Variants in EPHX3 observed in about 807,000 individuals in gnomAD.
The protein encoded by EPHX3 is epoxide hydrolase 3.
Under a neutral mutation model 40.2 loss-of-function variants are expected in EPHX3, and 39 were observed. The ratio of observed to expected loss-of-function variants is 0.97; its 90% CI spans 0.75 to 1.27. The LOEUF (loss-of-function observed/expected upper bound fraction) is 1.27. Among genes scored for constraint, EPHX3 ranks in the 50% most tolerant of loss-of-function variants. The pLI is 0.00. For missense variants in EPHX3, 442 were observed against 474.0 expected (o/e 0.93, Z 0.63); for synonymous variants, 213 against 209.7 (o/e 1.02, Z -0.14).
chr19:15,227,044 T>G lies in EPHX3; in HGVS notation c.*393A>C. ...CTGAGCTGAAGACCCAGGCAGGAGG[T>G]CGAAGGCAGGGACAGGAAGGTCAGG... On this transcript the variant is annotated 3_prime_UTR_variant, in exon 7 of 7. Coordinates refer to ENST00000221730, the MANE Select transcript of EPHX3 (RefSeq NM_024794.3). 1 of 240,914 alleles carries G rather than the reference T, an allele frequency of 4.2e-6. No individual in the cohort carries two copies. Among genetic ancestry groups the G allele is most frequent in the Non-Finnish European group, 8.1e-6 (1 of 123,322 alleles). 14.9% of individuals were successfully genotyped at this position (240,914 alleles called of 1,614,324 possible).
chr19:15,232,488 G>C (rs2047163181), upstream of EPHX3: 3 of 1,244,178 alleles, frequency 2.4e-6, no homozygotes, highest in South Asian at 4.1e-5. Context: ...GGAAAGGGGG[G>C]AAATAAATGG....
At chr19:15,230,599 G>T (rs935448684) in intron 4 of EPHX3, among the ~76,000 whole-genome samples, 2 of 151,874 alleles carry the variant, frequency 1.3e-5, no homozygotes, top group Admixed American at 1.3e-4. Context: ...TCCTGCATCA[G>T]CCTCCCGAGT....
chr19:15,231,282 G>GA lies in EPHX3; in HGVS notation c.443dup (p.Asp149ArgfsTer25). ...CTTTGATGTCCACCAGCAGCAGGTC[G>GA]ATTGTGTAGCAGTCCACATCCCGAG... On this transcript the variant is annotated frameshift_variant, in exon 3 of 7. Transcript: ENST00000221730. LOFTEE classifies it high-confidence loss of function. 1 of 1,613,970 alleles carries GA rather than the reference G, an allele frequency of 6.2e-7. No homozygotes were observed. Among genetic ancestry groups the GA allele is most frequent in the Non-Finnish European group, 8.5e-7 (1 of 1,180,006 alleles).
chr19:15,229,907 A>AAAAAAAAAAG (rs1203339827), intron 4 of EPHX3, among the ~76,000 whole-genome samples: 3 of 140,182 alleles, frequency 2.1e-5, no homozygotes, highest in South Asian at 2.2e-4. Context: ...AAAAAAAAAA[A>AAAAAAAAAAG]AAAAGAAAAG....
Position 15,227,891 on chromosome 19 carries a change from AG to A in EPHX3, c.736del (p.Leu246SerfsTer11). 1 of 1,613,938 alleles carries A rather than the reference AG, an allele frequency of 6.2e-7. No homozygotes were observed. Among genetic ancestry groups the A allele is most frequent in the Non-Finnish European group, 8.5e-7 (1 of 1,179,988 alleles). On this transcript the variant is annotated frameshift_variant, in exon 6 of 7. Coordinates refer to ENST00000221730, the MANE Select transcript of EPHX3 (RefSeq NM_024794.3). LOFTEE classifies it high-confidence loss of function. Reference sequence around the variant, plus strand: ...TGGGATGCCTGTCTTGCGGTGGGTGAGGGTGGTCTTCAGAATCTAGGTACAC... The same window carrying A: ...TGGGATGCCTGTCTTGCGGTGGGTGAGGTGGTCTTCAGAATCTAGGTACAC... Reference protein sequence around the residue: ...MSDFQILKTTLTHRKTGIPCL... With the variant: ...MSDFQILKTTXTHRKTGIPCL...
At chr19:15,231,894 AC>A in intron 1 of EPHX3, 33 bp from the exon 2 acceptor site, 1 of 1,612,378 alleles carries the variant, frequency 6.2e-7, no homozygotes, top group Non-Finnish European at 8.5e-7. Context: ...AGCCTGGGGA[AC>A]CCTCTCTCCC....
In EPHX3 at chr19:15,232,239, G is replaced by T; in HGVS notation, c.-28C>A. 1 of 1,462,250 alleles carries T rather than the reference G, an allele frequency of 6.8e-7. No individual in the cohort carries two copies. Among genetic ancestry groups the T allele is most frequent in the Non-Finnish European group, 8.9e-7 (1 of 1,118,838 alleles). The allele number at this position is 1,462,250 out of a possible 1,614,324, so 90.6% of individuals were successfully genotyped here. ...CGCCGCGCTCCGGGACCACGGCGGC[G>T]CTGCCGGCCAGGGGCACCTGCAGCA... On this transcript the variant is annotated 5_prime_UTR_variant, in exon 1 of 7. Coordinates refer to ENST00000221730, the MANE Select transcript of EPHX3 (RefSeq NM_024794.3).
intron 4 of EPHX3, among the ~76,000 whole-genome samples, chr19:15,229,700 T>C (rs1168908729): frequency 4.0e-5 from 6 of 150,356 alleles, no homozygotes; most frequent in Non-Finnish European, 8.9e-5. Flanking sequence ...CAAGACCATC[T>C]TGGCCAACAT....
At chr19:15,236,133 T>A (rs2047190374), upstream of EPHX3, 1 of 152,172 alleles carries the variant, frequency 6.6e-6, no homozygotes, top group East Asian at 1.9e-4. Flanking sequence ...CCAAAGACAA[T>A]AAAGGACCTT....
In EPHX3 at chr19:15,231,766, CCAGACGTACCAGTTCT is replaced by C; in HGVS notation, c.323_329+9del. ...TCCCGTGGGCCTCAGGCCCCTGGCCCCAGACGTACCAGTTCTCAGGGAAGCCGTGCAGAAACAGCAT... is the reference window on the plus strand; with the variant it reads ...TCCCGTGGGCCTCAGGCCCCTGGCCCCAGGGAAGCCGTGCAGAAACAGCAT... On this transcript the variant is annotated splice_donor_variant and splice_donor_5th_base_variant and coding_sequence_variant and intron_variant, in exon 2 of 7. Transcript: ENST00000221730. LOFTEE classifies it high-confidence loss of function. 1 of 1,613,856 alleles carries C rather than the reference CCAGACGTACCAGTTCT, an allele frequency of 6.2e-7. No homozygotes were observed.
chr19:15,233,168 G>A (rs971939351), upstream of EPHX3: 3 of 151,822 alleles, frequency 2.0e-5, no homozygotes, highest in African/African-American at 7.3e-5. Flanking sequence ...GGGTGGGGTG[G>A]GCAATGGGCA....
At position 15,231,695 on chromosome 19, in the gene EPHX3, C is replaced by G. The variant is rs535435048; in HGVS notation, c.329+81G>C. On this transcript the variant is annotated intron_variant, in intron 2 of 6. Coordinates refer to ENST00000221730, the MANE Select transcript of EPHX3 (RefSeq NM_024794.3). ...GTTCAGCTTGTCCCGATCTATACAG[C>G]CCTCCTCCCTGCCTCTTGGGAGCCC... 12 of 1,410,800 alleles carry G rather than the reference C, an allele frequency of 8.5e-6. No individual in the cohort carries two copies. The Admixed American group carries it at 2.0e-4, about 24-fold the overall frequency. The allele number at this position is 1,410,800 out of a possible 1,614,324, so 87.4% of individuals were successfully genotyped here. A position where few individuals can be genotyped will look rare whatever the true frequency, so the allele number is the denominator to read the frequency against.
In EPHX3 at chr19:15,227,390, G is replaced by T; in HGVS notation, c.*47C>A. On this transcript the variant is annotated 3_prime_UTR_variant, in exon 7 of 7. Coordinates refer to ENST00000221730, the MANE Select transcript of EPHX3 (RefSeq NM_024794.3). Reference sequence around the variant, plus strand: ...AGGCACACACAGATAATGGGTGTGTGTTCCTTCCTGAGTATCCATGCCTCC... The same window carrying T: ...AGGCACACACAGATAATGGGTGTGTTTTCCTTCCTGAGTATCCATGCCTCC... 3 of 1,489,766 alleles carry T rather than the reference G, an allele frequency of 2.0e-6. No individual in the cohort carries two copies. Among genetic ancestry groups the T allele is most frequent in the Non-Finnish European group, 1.9e-6 (2 of 1,068,312 alleles). The allele number at this position is 1,489,766 out of a possible 1,614,324, so 92.3% of individuals were successfully genotyped here. A position where few individuals can be genotyped will look rare whatever the true frequency, so the allele number is the denominator to read the frequency against.
upstream of EPHX3, among the ~76,000 whole-genome samples, chr19:15,233,694 G>C (rs543316869): frequency 9.8e-5 from 15 of 152,356 alleles, no homozygotes; most frequent in South Asian, 3.1e-3. Context: ...GGTTCTGGCC[G>C]AAAGAGGAAG....
chr19:15,230,657 T>TC (rs905470776), intron 4 of EPHX3, among the ~76,000 whole-genome samples: 13 of 151,254 alleles, frequency 8.6e-5, no homozygotes, highest in Non-Finnish European at 1.0e-4. Context: ...AATTACATTT[T>TC]TTTTTTTTTT....
At chr19:15,231,518 TG>T in intron 2 of EPHX3, 122 bp from the exon 3 acceptor site, 1 of 1,319,366 alleles carries the variant, frequency 7.6e-7, no homozygotes, top group Non-Finnish European at 1.0e-6. Context: ...AAAAGGAGGA[TG>T]GGGAATCCCA....
Position 15,227,860 on chromosome 19 carries a change from C to G in EPHX3, c.768G>C (p.Leu256Phe). The change falls in exon 6 of 7, where the codon TTG becomes TTC. Residue 256 changes from leucine to phenylalanine, a missense_variant. Leu to Phe is a conservative substitution (Grantham distance 22, BLOSUM62 0). Transcript: ENST00000221730. ...LTHRKTGIPC[L>F]TPSELEAFLY... is the part of the protein sequence containing the mutation. ...GGAAGGCCTCGAGCTCGCTGGGGGT[C>G]AAGCATGGGATGCCTGTCTTGCGGT... 6.2e-7 allele frequency: 1 copy of G among 1,614,098 alleles called. No homozygotes were observed. The highest frequency in any genetic ancestry group is 8.5e-7 in the Non-Finnish European group (1 of 1,180,020).
chr19:15,231,266 C>A lies in EPHX3; in HGVS notation c.460G>T (p.Asp154Tyr). 1 of 1,613,980 alleles carries A rather than the reference C, an allele frequency of 6.2e-7. No individual in the cohort carries two copies. The highest frequency in any genetic ancestry group is 8.5e-7 in the Non-Finnish European group (1 of 1,179,998). ...DCYTIDLLLV[D>Y]IKDVILGLGY... Reference sequence around the variant, plus strand: ...AGGCCTAGGATGACATCTTTGATGTCCACCAGCAGCAGGTCGATTGTGTAG... The same window carrying A: ...AGGCCTAGGATGACATCTTTGATGTACACCAGCAGCAGGTCGATTGTGTAG... Residue 154 changes from aspartate to tyrosine, a missense_variant, in exon 3 of 7, where the codon GAC becomes TAC. Transcript: ENST00000221730.
In EPHX3 at chr19:15,231,036, T is replaced by C; in HGVS notation, c.542A>G (p.His181Arg). The C allele has an allele frequency of 2.5e-6, 4 of 1,613,954 alleles. No homozygotes were observed. The highest frequency in any genetic ancestry group is 3.4e-6 in the Non-Finnish European group (4 of 1,180,012). Reference sequence around the variant, plus strand: ...CAGGGATGGGTAGTAGATGGAGAAATGCCAGGCAAGGAGGGCACCCCAGTC... The same window carrying C: ...CAGGGATGGGTAGTAGATGGAGAAACGCCAGGCAAGGAGGGCACCCCAGTC... Reference protein sequence around the residue: ...AHDWGALLAWHFSIYYPSLVE... With the variant: ...AHDWGALLAWRFSIYYPSLVE... Residue 181 changes from histidine to arginine, a missense_variant, in exon 4 of 7, where the codon CAT (histidine) becomes CGT (arginine). Coordinates refer to ENST00000221730, the MANE Select transcript of EPHX3 (RefSeq NM_024794.3).
Sources: gnomAD v4.1 joint callset for allele counts (sites outside exome capture counted in the v4.1 genomes callset) on GRCh38, gnomAD v4.1.1 for gene constraint, MANE v1.5 for transcripts, NCBI Gene and HGNC (gene_info 2026-07-23, HGNC 2026-07-21) for gene names.